WNK3: variants seen among roughly 807,000 people sequenced by gnomAD.
WNK3 encodes WNK lysine deficient protein kinase 3.
WNK3 carries 18 observed loss-of-function variants against 116.7 expected under a neutral mutation model. The ratio of observed to expected loss-of-function variants is 0.15; its 90% CI spans 0.11 to 0.23. The LOEUF is 0.23. Among genes scored for constraint, WNK3 ranks in the 10% least tolerant of loss-of-function variants. WNK3 has a pLI of 1.00. For synonymous variants in WNK3, 404 were observed against 469.4 expected, an observed-to-expected ratio of 0.86 and a Z score of 1.80; for missense variants, 993 against 1,323.8, an observed-to-expected ratio of 0.75 and a Z score of 3.88.
At chrX:54,198,513 G>A (rs142336896) in exon 24 of WNK3, 34 of 1,206,380 alleles carry the variant, frequency 2.8e-5, no homozygotes, top group South Asian at 7.1e-5. Flanking sequence ...ACTGACAAAC[G>A]TGAGGCATTC....
intron 17 of WNK3, among the ~76,000 whole-genome samples, chrX:54,241,837 C>T (rs2068024927): frequency 9.2e-6 from 1 of 109,158 alleles, no homozygotes; most frequent in Non-Finnish European, 1.9e-5. Flanking sequence ...GCCTGTAATC[C>T]CAGCTACTTG....
chrX:54,203,952 A>G (rs1410910637), intron 22 of WNK3, among the ~76,000 whole-genome samples: 8 of 110,613 alleles, frequency 7.2e-5, no homozygotes, highest in Non-Finnish European at 1.1e-4. Context: ...GTCTCAAAGA[A>G]TAATAATAAT....
rs781811903 is a variant in WNK3, at chrX:54,307,914, A to G, written c.1089+8T>C. On this transcript the variant is annotated splice_region_variant and intron_variant, in intron 5 of 23. Coordinates refer to ENST00000354646, the Ensembl canonical transcript of WNK3. Reference sequence around the variant, plus strand: ...CTGATAAAGTAAAAAGAAAAAAGTTATACCTACACTAGTTACTTTCCGGTA... The same window carrying G: ...CTGATAAAGTAAAAAGAAAAAAGTTGTACCTACACTAGTTACTTTCCGGTA... 1.7e-6 allele frequency: 2 copies of G among 1,159,819 alleles called. No individual in the cohort carries two copies. Among genetic ancestry groups the G allele is most frequent in the Admixed American group, 5.3e-5 (2 of 37,624 alleles).
In WNK3 at chrX:54,238,478, A is replaced by G. The variant is rs781906588; in HGVS notation, c.3884-6T>C. On this transcript the variant is annotated splice_region_variant and splice_polypyrimidine_tract_variant and intron_variant, in intron 18 of 23. Coordinates refer to ENST00000354646, the Ensembl canonical transcript of WNK3. The stretch of plus-strand genomic sequence containing the variant: ...TCTCATCTCTTCTGTTTCCACTGCA[A>G]GTTTTGCCAAATTGTAAGTAAAAAA... The G allele has an allele frequency of 8.3e-6, 10 of 1,197,937 alleles. No individual in the cohort carries two copies. Among genetic ancestry groups the G allele is most frequent in the Non-Finnish European group, 1.1e-5 (10 of 891,282 alleles).
chrX:54,350,240 T>G (rs929584624), intron 1 of WNK3, among the ~76,000 whole-genome samples: 1 of 110,510 alleles, frequency 9.0e-6, no homozygotes, highest in Non-Finnish European at 1.9e-5. Flanking sequence ...AAACCCCGTC[T>G]CTACTAAAAA....
At chrX:54,226,200 C>T (rs1007184691) in intron 22 of WNK3, among the ~76,000 whole-genome samples, 14 of 108,761 alleles carry the variant, frequency 1.3e-4, no homozygotes, top group Admixed American at 4.0e-4. Flanking sequence ...CCGGGTGCAG[C>T]GGCTCAGGCC....
At chrX:54,283,647 T>C (rs2068544286) in intron 10 of WNK3, among the ~76,000 whole-genome samples, 1 of 107,983 alleles carries the variant, frequency 9.3e-6, no homozygotes, top group Non-Finnish European at 1.9e-5. Flanking sequence ...CAGGCGCCTG[T>C]AGTCCCAGCT....
intron 2 of WNK3, among the ~76,000 whole-genome samples, chrX:54,323,139 T>A (rs1286138206): frequency 1.8e-5 from 2 of 110,691 alleles, no homozygotes; most frequent in African/African-American, 6.6e-5. Context: ...AACAGTAACT[T>A]TACAGGAGAG....
At position 54,314,212 on chromosome X, in the gene WNK3, A is replaced by C. The variant is rs192388537; in HGVS notation, c.538-2921T>G. ...TGTCTCAAAAAAAAAAACAAAAAAA[A>C]AAAAAACAAAACACATTGCCACTCT... is the stretch of plus-strand genomic sequence containing the variant. On this transcript the variant is annotated intron_variant, in intron 2 of 23. Coordinates refer to ENST00000354646, the Ensembl canonical transcript of WNK3. 3.0e-3 allele frequency among the ~76,000 whole-genome samples: 329 copies of C among 108,572 alleles called. 6 individuals are homozygous for C. The Middle Eastern group carries it at 0.048, about 16-fold the overall frequency. 94.3% of individuals were successfully genotyped at this position (108,572 alleles called of 115,157 possible).
At chrX:54,213,568 A>C (rs868918400) in intron 22 of WNK3, among the ~76,000 whole-genome samples, 4,845 of 87,961 alleles carry the variant, frequency 0.055, 233 homozygotes, top group Non-Finnish European at 0.07. Context: ...AAAAAAACAA[A>C]CAAAAAAAAA....
chrX:54,296,423 C>T (rs1285902373), intron 7 of WNK3, among the ~76,000 whole-genome samples: 1 of 110,538 alleles, frequency 9.0e-6, no homozygotes, highest in Non-Finnish European at 1.9e-5. Flanking sequence ...GCTTTGAAGA[C>T]GGGGTGGAGA....
intron 10 of WNK3, among the ~76,000 whole-genome samples, chrX:54,262,677 C>T (rs2068268503): frequency 9.1e-6 from 1 of 110,252 alleles, no homozygotes; most frequent in African/African-American, 3.3e-5. Context: ...GTGGGCTGGG[C>T]GCAGTGGCTC....
At chrX:54,357,882 T>G (rs1489162522) in exon 1 of WNK3, 1 of 112,533 alleles carries the variant, frequency 8.9e-6, no homozygotes, top group African/African-American at 3.2e-5. Flanking sequence ...CCGCGTCGTG[T>G]GCGCTTGCGC....
chrX:54,262,945 AAAAG>A (rs2068271632), intron 10 of WNK3, among the ~76,000 whole-genome samples: 2 of 7,427 alleles, frequency 2.7e-4, no homozygotes. Flanking sequence ...AAAAAAAAAA[AAAAG>A]AAAAGAAAAG....
chrX:54,337,468 A>C (rs924582150), intron 1 of WNK3, among the ~76,000 whole-genome samples: 2 of 108,720 alleles, frequency 1.8e-5, no homozygotes, highest in Non-Finnish European at 3.8e-5. Context: ...GCTGAGGCAG[A>C]GAATTGCTTG....
At chrX:54,329,969 G>A (rs2069148894) in intron 2 of WNK3, among the ~76,000 whole-genome samples, 1 of 112,045 alleles carries the variant, frequency 8.9e-6, no homozygotes, top group South Asian at 3.7e-4. Flanking sequence ...GCAGGCTACA[G>A]TGGCTCATGC....
chrX:54,320,119 ACTC>A (rs2069011574), intron 2 of WNK3, among the ~76,000 whole-genome samples: 1 of 111,912 alleles, frequency 8.9e-6, no homozygotes. Context: ...GATTTCAACT[ACTC>A]CACACTACTG....
chrX:54,290,275 GAA>G (rs111668722), intron 10 of WNK3, among the ~76,000 whole-genome samples: 4 of 98,268 alleles, frequency 4.1e-5, no homozygotes, highest in African/African-American at 1.5e-4. Context: ...GACTCTGTCT[GAA>G]AAAAAAAAAA....
At chrX:54,208,308 T>C (rs1557143078) in intron 22 of WNK3, among the ~76,000 whole-genome samples, 1 of 110,012 alleles carries the variant, frequency 9.1e-6, no homozygotes, top group Non-Finnish European at 1.9e-5. Flanking sequence ...GTATTTTTAG[T>C]AGAGACGGGG....
Sources: gnomAD v4.1 joint callset for allele counts (sites outside exome capture counted in the v4.1 genomes callset) on GRCh38, gnomAD v4.1.1 for gene constraint, MANE v1.5 for transcripts, NCBI Gene and HGNC (gene_info 2026-07-23, HGNC 2026-07-21) for gene names.